The following KNTC1 variants were observed in gnomAD, a reference collection of about 807,000 sequenced individuals.
The protein encoded by KNTC1 is kinetochore-associated protein 1.
KNTC1 carries 253 observed loss-of-function variants against 314.4 expected under a neutral mutation model. The observed-to-expected ratio is 0.80, with a 90% confidence interval of 0.73 to 0.89. KNTC1 has a LOEUF of 0.89. KNTC1 is among the 40% of genes least tolerant of loss of function. The pLI, the probability that KNTC1 is intolerant of heterozygous loss-of-function variation, is 0.00. For missense variants in KNTC1, 2,475 were observed against 2,572.9 expected (o/e 0.96, Z 0.82); for synonymous variants, 901 against 901.4 (o/e 1.00, Z 0.01).
intron 16 of KNTC1, among the ~76,000 whole-genome samples, chr12:122,556,116 G>A (rs189580632): frequency 2.8e-4 from 42 of 151,816 alleles, no homozygotes; most frequent in African/African-American, 8.9e-4. Flanking sequence ...TCCCAGGTTC[G>A]TGTGATTCTC....
At chr12:122,588,935 T>A in intron 40 of KNTC1, 119 bp downstream of exon 40, 1 of 521,050 alleles carries the variant, frequency 1.9e-6, no homozygotes, top group Non-Finnish European at 3.3e-6. Context: ...ATTCAAAAAC[T>A]TCAAGAAACT....
chr12:122,549,733 C>A, intron 12 of KNTC1, 33 bp from the exon 13 acceptor site: 1 of 1,049,912 alleles, frequency 9.5e-7, no homozygotes, highest in African/African-American at 1.6e-5. Flanking sequence ...TTAAATTGAT[C>A]TGCTAAATTA....
At chr12:122,593,078 A>T (rs981171965) in intron 42 of KNTC1, 2 of 159,638 alleles carry the variant, frequency 1.3e-5, no homozygotes, top group African/African-American at 4.8e-5. Flanking sequence ...AACCCACCAG[A>T]AGGAAGAAAC....
At chr12:122,567,597 G>A (rs1964430330) in intron 20 of KNTC1, among the ~76,000 whole-genome samples, 1 of 151,972 alleles carries the variant, frequency 6.6e-6, no homozygotes, top group African/African-American at 2.4e-5. Flanking sequence ...GCAACACTTT[G>A]GGAGGCTGAA....
chr12:122,587,015 C>G (rs1869440491), intron 38 of KNTC1, among the ~76,000 whole-genome samples: 1 of 151,852 alleles, frequency 6.6e-6, no homozygotes, highest in Non-Finnish European at 1.5e-5. Context: ...CAGGATTTCA[C>G]CATGTTGGCC....
At chr12:122,601,769 T>C (rs1490369908) in intron 45 of KNTC1, 144 bp downstream of exon 45, 4 of 839,158 alleles carry the variant, frequency 4.8e-6, no homozygotes, top group Non-Finnish European at 6.4e-6. Flanking sequence ...TAAAAATCTT[T>C]ACAAATCTTT....
In KNTC1 at chr12:122,539,692, C is replaced by T; in HGVS notation, c.383C>T (p.Ala128Val). ...TLLTNAFVQK[A>V]NDENRRTYQN... The stretch of plus-strand genomic sequence containing the variant: ...TGCATTTAGGCATTTGTTCAGAAAG[C>T]TAACGATGAAAATCGGCGGACTTAC... The change falls in exon 5 of 64, where the codon GCT becomes GTT. Residue 128 changes from alanine (A) to valine (V), a missense_variant. Physicochemically the swap from Ala to Val is moderately conservative, Grantham distance 64 (BLOSUM62 0). Transcript: ENST00000333479. 2 of 1,574,488 alleles carry T rather than the reference C, an allele frequency of 1.3e-6. No homozygotes were observed. The highest frequency in any genetic ancestry group is 1.7e-6 in the Non-Finnish European group (2 of 1,158,972).
At chr12:122,561,697 G>T (rs900894454) in intron 18 of KNTC1, among the ~76,000 whole-genome samples, 1 of 151,654 alleles carries the variant, frequency 6.6e-6, no homozygotes, top group East Asian at 1.9e-4. Flanking sequence ...CAAGCAGTCC[G>T]CCCGCCTCAG....
At chr12:122,609,809 C>T (rs574017775) in intron 52 of KNTC1, among the ~76,000 whole-genome samples, 15 of 152,134 alleles carry the variant, frequency 9.9e-5, no homozygotes, top group Non-Finnish European at 1.8e-4. Context: ...TTCTAACCTA[C>T]GACTGAGGCC....
intron 40 of KNTC1, among the ~76,000 whole-genome samples, chr12:122,589,974 C>T (rs545355905): frequency 4.0e-5 from 6 of 151,520 alleles, no homozygotes; most frequent in Admixed American, 1.3e-4. Context: ...TAGTAGAGAC[C>T]GGGTTTCACT....
At chr12:122,607,452 C>G (rs949212371) in intron 51 of KNTC1, among the ~76,000 whole-genome samples, 26 of 152,170 alleles carry the variant, frequency 1.7e-4, no homozygotes, top group African/African-American at 6.3e-4. Context: ...CCAGCTGTTT[C>G]ATAAGCTGCC....
chr12:122,615,349 A>AG, intron 56 of KNTC1, 121 bp from the exon 57 acceptor site: 1 of 856,362 alleles, frequency 1.2e-6, no homozygotes, highest in South Asian at 1.9e-5. Flanking sequence ...CTTCTCTGGC[A>AG]GTTATCATGG....
At position 122,609,374 on chromosome 12, in the gene KNTC1, C is replaced by T; in HGVS notation, c.5497-10C>T. The T allele has an allele frequency of 6.4e-7, 1 of 1,558,340 alleles. No homozygotes were observed. ...TCAGTTTTTGACCTTTTTTTCCTAC[C>T]TTTTCAAAGAAACCATCAGAATTAT... On this transcript the variant is annotated splice_polypyrimidine_tract_variant and intron_variant, in intron 51 of 63. Coordinates refer to ENST00000333479, the MANE Select transcript of KNTC1 (RefSeq NM_014708.6).
intron 2 of KNTC1, among the ~76,000 whole-genome samples, chr12:122,531,047 T>C (rs1393371806): frequency 6.7e-6 from 1 of 150,124 alleles, no homozygotes; most frequent in Non-Finnish European, 1.5e-5. Flanking sequence ...GGTATTTAAT[T>C]CTTTTTTTTT....
chr12:122,604,620 C>G lies in KNTC1; in HGVS notation c.5158C>G (p.Gln1720Glu), dbSNP rs202181687. The G allele has an allele frequency of 1.3e-6, 2 of 1,597,978 alleles. No homozygotes were observed. Among genetic ancestry groups the G allele is most frequent in the Non-Finnish European group, 1.7e-6 (2 of 1,165,886 alleles). The change falls in exon 49 of 64, where the codon CAG becomes GAG. Residue 1720 changes from glutamine (Q) to glutamate (E), a missense_variant. Physicochemically the swap from Gln to Glu is conservative, Grantham distance 29 (BLOSUM62 2). Transcript: ENST00000333479. ...CCTTTATTTAGCTGAGAGATGGCTA[C>G]AGAATATCCCATCGCAGGTGTGTCT... ...FCLYLAERWL[Q>E]NIPSQDEKRE...
chr12:122,585,176 A>C (rs1171592568), intron 36 of KNTC1, among the ~76,000 whole-genome samples, 186 bp downstream of exon 36: 8 of 152,046 alleles, frequency 5.3e-5, no homozygotes, highest in South Asian at 2.1e-4. Flanking sequence ...CTGGGACTAT[A>C]AGTGTGTGCC....
intron 18 of KNTC1, among the ~76,000 whole-genome samples, chr12:122,559,727 C>T (rs1302280228): frequency 2.0e-5 from 3 of 152,042 alleles, no homozygotes; most frequent in Non-Finnish European, 4.4e-5. Flanking sequence ...CTCCCGCTGC[C>T]ACCACACCTG....
chr12:122,574,672 C>A (rs1056656554), intron 27 of KNTC1, among the ~76,000 whole-genome samples: 3 of 152,108 alleles, frequency 2.0e-5, no homozygotes, highest in Non-Finnish European at 2.9e-5. Flanking sequence ...TGGTCTTGAA[C>A]ACCTGGGCTC....
chr12:122,566,411 T>C (rs61954968), intron 20 of KNTC1, among the ~76,000 whole-genome samples: 3 of 72,534 alleles, frequency 4.1e-5, no homozygotes, highest in Admixed American at 3.4e-4. Flanking sequence ...ACCTGGATAA[T>C]TTTTTTTTTT....
Sources: gnomAD v4.1 joint callset for allele counts (sites outside exome capture counted in the v4.1 genomes callset) on GRCh38, gnomAD v4.1.1 for gene constraint, MANE v1.5 for transcripts, NCBI Gene and HGNC (gene_info 2026-07-23, HGNC 2026-07-21) for gene names.